The following CENPE variants were observed in gnomAD, a reference collection of about 807,000 sequenced individuals.
The protein encoded by CENPE is centromere protein E, also known as centromere-associated protein E.
Under a neutral mutation model 336.1 loss-of-function variants are expected in CENPE, and 145 were observed. The ratio of observed to expected loss-of-function variants is 0.43; its 90% CI spans 0.38 to 0.50. The LOEUF (loss-of-function observed/expected upper bound fraction) is 0.50, where lower values mean the gene tolerates loss of function less well. Among genes scored for constraint, CENPE ranks in the 20% least tolerant of loss-of-function variants. The probability of loss-of-function intolerance (pLI) is 0.00; values close to 1 mark genes in which losing one functional copy is unlikely to be tolerated. For synonymous variants in CENPE, 1,013 were observed against 984.8 expected (o/e 1.03, Z -0.54); for missense variants, 2,719 against 3,023.3 (o/e 0.90, Z 2.36).
chr4:103,150,475 C>T (rs576927234), intron 26 of CENPE, among the ~76,000 whole-genome samples: 17 of 151,698 alleles, frequency 1.1e-4, no homozygotes, highest in South Asian at 6.2e-4. Flanking sequence ...CTCAGCTACT[C>T]GGGAGGCTGA....
chr4:103,122,699 T>C (rs1750745017), intron 43 of CENPE, among the ~76,000 whole-genome samples, 172 bp downstream of exon 43: 1 of 152,204 alleles, frequency 6.6e-6, no homozygotes, highest in South Asian at 2.1e-4. Context: ...ATGTCTAGCT[T>C]TATAATTAGT....
At position 103,144,626 on chromosome 4, in the gene CENPE, A is replaced by C. The variant is rs2125926123; in HGVS notation, c.4858-8T>G. On this transcript the variant is annotated splice_polypyrimidine_tract_variant and splice_region_variant and intron_variant, in intron 32 of 48. Coordinates refer to ENST00000265148, the MANE Select transcript of CENPE (RefSeq NM_001813.3). ...TTCTTGAGATTCTTTCATCTGAGAA[A>C]ATTATAAAGTAAGTTACAACATAGG... The C allele has an allele frequency of 6.3e-7, 1 of 1,586,384 alleles. No individual in the cohort carries two copies. Among genetic ancestry groups the C allele is most frequent in the South Asian group, 1.2e-5 (1 of 86,774 alleles).
At chr4:103,156,869 T>C (rs1047966413) in intron 24 of CENPE, among the ~76,000 whole-genome samples, 3 of 151,756 alleles carry the variant, frequency 2.0e-5, no homozygotes, top group Non-Finnish European at 4.4e-5. Context: ...TATAAAGAAC[T>C]CCTACAACTC....
intron 39 of CENPE, among the ~76,000 whole-genome samples, chr4:103,137,492 TAATC>T (rs776767944): frequency 7.9e-5 from 12 of 152,202 alleles, no homozygotes; most frequent in Non-Finnish European, 1.5e-4. Context: ...AGCTAGATGT[TAATC>T]AATCTGGAAT....
At position 103,151,458 on chromosome 4, in the gene CENPE, C is replaced by T. The variant is rs965817853; in HGVS notation, c.3238-81G>A. On this transcript the variant is annotated intron_variant, in intron 25 of 48. Transcript: ENST00000265148. ...TCAGGTAAAACATCAGCATTTCTCTCAGTCTGCAAATGAAGAAATCAGGGA... is the reference window on the plus strand; with the variant it reads ...TCAGGTAAAACATCAGCATTTCTCTTAGTCTGCAAATGAAGAAATCAGGGA... 76 of 1,053,628 alleles carry T rather than the reference C, an allele frequency of 7.2e-5. 2 individuals are homozygous for T. The South Asian group carries it at 1.4e-3, about 19-fold the overall frequency. The allele number at this position is 1,053,628 out of a possible 1,614,324, so 65.3% of individuals were successfully genotyped here. A position where few individuals can be genotyped will look rare whatever the true frequency, so the allele number is the denominator to read the frequency against.
intron 42 of CENPE, among the ~76,000 whole-genome samples, chr4:103,127,967 T>G (rs1163220780): frequency 1.3e-5 from 2 of 152,068 alleles, no homozygotes; most frequent in Non-Finnish European, 2.9e-5. Flanking sequence ...ATACACCAAT[T>G]AAAAGACCGA....
intron 2 of CENPE, 131 bp from the exon 3 acceptor site, chr4:103,196,383 C>T: frequency 1.3e-6 from 1 of 741,590 alleles, no homozygotes; most frequent in Non-Finnish European, 2.2e-6. Flanking sequence ...ATTTAAGACA[C>T]AGTATTTTTT....
chr4:103,162,029 A>G (rs75104188), intron 18 of CENPE, among the ~76,000 whole-genome samples: 6,814 of 152,222 alleles, frequency 0.045, 501 homozygotes, highest in African/African-American at 0.15. Flanking sequence ...AAAAAAATTA[A>G]TAAATTAATA....
intron 16 of CENPE, among the ~76,000 whole-genome samples, chr4:103,164,183 A>G (rs1754717906): frequency 6.6e-6 from 1 of 152,154 alleles, no homozygotes; most frequent in African/African-American, 2.4e-5. Context: ...TCAACCATGT[A>G]AAAGTATAAA....
chr4:103,120,061 G>A, intron 44 of CENPE, 87 bp downstream of exon 44: 1 of 927,710 alleles, frequency 1.1e-6, no homozygotes, highest in Non-Finnish European at 1.6e-6. Flanking sequence ...TTGTGAGAGG[G>A]AAGAATAGAG....
At chr4:103,113,324 A>G (rs1256250773) in intron 46 of CENPE, among the ~76,000 whole-genome samples, 1 of 143,110 alleles carries the variant, frequency 7.0e-6, no homozygotes, top group Admixed American at 7.2e-5. Context: ...TCCTGTAAAA[A>G]AGTATGTATG....
At chr4:103,112,017 C>A (rs1196408826) in intron 46 of CENPE, among the ~76,000 whole-genome samples, 1 of 151,568 alleles carries the variant, frequency 6.6e-6, no homozygotes, top group Non-Finnish European at 1.5e-5. Flanking sequence ...TATGTATATA[C>A]ACTTTTTTAA....
chr4:103,196,295 A>T (rs1163017302), intron 2 of CENPE, 43 bp from the exon 3 acceptor site: 2 of 1,400,308 alleles, frequency 1.4e-6, no homozygotes, highest in Admixed American at 3.4e-5. Context: ...AGTTAAATCA[A>T]ATGAGTCCAC....
rs781479427 is a variant in CENPE at position 103,183,236 on chromosome 4, T to A, written c.798A>T (p.Gly266=). ...CATCACTAAGTTTCTTGATCACTTG[T>A]CCCAAAATAAATAAGCTTCGATTTA... is the stretch of plus-strand genomic sequence containing the variant. ...CNINRSLFIL[G]QVIKKLSDGQ... is the part of the protein sequence containing the mutation. Residue 266 remains glycine (G), a synonymous_variant, in exon 10 of 49, where the codon GGA becomes GGT. Coordinates refer to ENST00000265148, the MANE Select transcript of CENPE (RefSeq NM_001813.3). The A allele has an allele frequency of 7.7e-5, 125 of 1,613,170 alleles. No homozygotes were observed. The highest frequency in any genetic ancestry group is 1.0e-4 in the Non-Finnish European group (123 of 1,179,548).
intron 42 of CENPE, among the ~76,000 whole-genome samples, chr4:103,125,232 A>T (rs1750986925): frequency 6.6e-6 from 1 of 152,224 alleles, no homozygotes; most frequent in African/African-American, 2.4e-5. Flanking sequence ...GTCAGAAAAG[A>T]ACTATCCAAA....
At chr4:103,157,526 G>C (rs758451547) in intron 24 of CENPE, among the ~76,000 whole-genome samples, 1 of 152,124 alleles carries the variant, frequency 6.6e-6, no homozygotes, top group South Asian at 2.1e-4. Flanking sequence ...GGTACTCAGA[G>C]TAGTCAAATT....
At chr4:103,106,832 A>G (rs1748942435) in intron 48 of CENPE, among the ~76,000 whole-genome samples, 1 of 152,162 alleles carries the variant, frequency 6.6e-6, no homozygotes, top group Admixed American at 6.5e-5. Flanking sequence ...AAGGTAATTT[A>G]GATTACCTTT....
At chr4:103,149,501 T>C in intron 26 of CENPE, 93 bp from the exon 27 acceptor site, 1 of 1,063,688 alleles carries the variant, frequency 9.4e-7, no homozygotes, top group Non-Finnish European at 1.3e-6. Flanking sequence ...TATCAGCATA[T>C]AAATAGGTAA....
chr4:103,183,702 T>C (rs1205036168), intron 9 of CENPE, among the ~76,000 whole-genome samples: 1 of 151,626 alleles, frequency 6.6e-6, no homozygotes, highest in East Asian at 1.9e-4. Flanking sequence ...TCAAAAAGTT[T>C]AAAAAAAAAG....
Sources: gnomAD v4.1 joint callset for allele counts (sites outside exome capture counted in the v4.1 genomes callset) on GRCh38, gnomAD v4.1.1 for gene constraint, MANE v1.5 for transcripts, NCBI Gene and HGNC (gene_info 2026-07-23, HGNC 2026-07-21) for gene names.